Variants in TENM2 observed in about 807,000 individuals in gnomAD.
TENM2 encodes the protein teneurin transmembrane protein 2.
A neutral mutation model predicts 245.2 loss-of-function variants in TENM2; 52 were observed. The observed-to-expected ratio is 0.21, with a 90% confidence interval of 0.17 to 0.27. TENM2 has a LOEUF of 0.27. TENM2 is among the 10% of genes least tolerant of loss of function. TENM2 has a pLI of 1.00. For missense variants in TENM2, 3,046 were observed against 3,666.8 expected (o/e 0.83, Z 4.37); for synonymous variants, 1,363 against 1,438.9 (o/e 0.95, Z 1.19).
the TENM2 span, among the ~76,000 whole-genome samples, chr5:167,220,436 CTG>C: frequency 6.6e-5 from 10 of 152,142 alleles, no homozygotes; most frequent in Non-Finnish European, 8.8e-5. Context: ...TTATTTTAAA[CTG>C]TGTATTTTAT....
chr5:168,176,839 AC>A (rs1474522164), intron 13 of TENM2, among the ~76,000 whole-genome samples: 2 of 152,226 alleles, frequency 1.3e-5, no homozygotes, highest in East Asian at 3.8e-4. Context: ...ATTTCAAAAA[AC>A]ATGCATACAG....
the TENM2 span, among the ~76,000 whole-genome samples, chr5:167,258,233 A>T: frequency 1.4e-5 from 2 of 147,744 alleles, no homozygotes; most frequent in Admixed American, 1.4e-4. Context: ...ATATGTGTAT[A>T]TATATATATG....
chr5:167,858,973 C>T (rs1270443814), intron 2 of TENM2, among the ~76,000 whole-genome samples: 33 of 144,298 alleles, frequency 2.3e-4, no homozygotes, highest in African/African-American at 8.0e-4. Context: ...GGCCGCCCAT[C>T]GTCTGGGATG....
At chr5:167,680,643 A>T (rs750148000) in intron 2 of TENM2, among the ~76,000 whole-genome samples, 1 of 152,198 alleles carries the variant, frequency 6.6e-6, no homozygotes, top group African/African-American at 2.4e-5. Context: ...TGTAAACCAG[A>T]TGAGAGACGA....
chr5:168,199,935 G>T (rs1761783893), exon 17 of TENM2: 2 of 1,613,920 alleles, frequency 1.2e-6, no homozygotes, highest in Non-Finnish European at 1.7e-6. Flanking sequence ...GAACTGCAGG[G>T]TACAAGTCAC....
the TENM2 span, among the ~76,000 whole-genome samples, chr5:167,083,504 T>TG: frequency 2.2e-3 from 342 of 152,296 alleles, 1 homozygote; most frequent in African/African-American, 7.8e-3. Flanking sequence ...AGAACTTGGA[T>TG]GGGGCTGACA....
chr5:167,962,577 C>T (rs182946064), intron 4 of TENM2, among the ~76,000 whole-genome samples: 70 of 152,224 alleles, frequency 4.6e-4, no homozygotes, highest in Non-Finnish European at 8.5e-4. Flanking sequence ...AAGACATACC[C>T]GAGACCCAGT....
intron 2 of TENM2, among the ~76,000 whole-genome samples, chr5:167,515,003 TC>T (rs1203714412): frequency 6.6e-6 from 1 of 151,970 alleles, no homozygotes; most frequent in African/African-American, 2.4e-5. Context: ...AGAGCGAGAC[TC>T]CATCTCAAAA....
chr5:168,253,321 A>T (rs1199110370), intron 27 of TENM2, among the ~76,000 whole-genome samples: 2 of 152,064 alleles, frequency 1.3e-5, no homozygotes, highest in Non-Finnish European at 2.9e-5. Context: ...CAGTCACCTT[A>T]TGGGGTCTTG....
intron 1 of TENM2, among the ~76,000 whole-genome samples, chr5:167,354,433 A>C (rs985781840): frequency 2.6e-5 from 4 of 152,220 alleles, no homozygotes; most frequent in South Asian, 2.1e-4. Context: ...CTTATAAAAA[A>C]CAGTTTCATT....
At chr5:167,097,574 G>A in the TENM2 span, among the ~76,000 whole-genome samples, 1 of 152,132 alleles carries the variant, frequency 6.6e-6, no homozygotes, top group African/African-American at 2.4e-5. Flanking sequence ...GTATTTTGAT[G>A]CATTAATTAA....
At chr5:167,591,364 G>T (rs1312275830) in intron 2 of TENM2, among the ~76,000 whole-genome samples, 1 of 152,084 alleles carries the variant, frequency 6.6e-6, no homozygotes, top group Non-Finnish European at 1.5e-5. Context: ...AATATTATTT[G>T]GTTTGATGGT....
intron 2 of TENM2, among the ~76,000 whole-genome samples, chr5:167,429,842 G>A (rs185351140): frequency 1.7e-3 from 253 of 152,104 alleles, no homozygotes; most frequent in Non-Finnish European, 2.6e-3. Flanking sequence ...CCTGACCTCA[G>A]GTGATCCACC....
At chr5:168,083,303 G>C (rs956168985) in intron 7 of TENM2, among the ~76,000 whole-genome samples, 1 of 152,208 alleles carries the variant, frequency 6.6e-6, no homozygotes, top group Non-Finnish European at 1.5e-5. Context: ...CATTGGAAAA[G>C]CGCAGTATTA....
At chr5:167,672,788 C>G (rs1438761577) in intron 2 of TENM2, among the ~76,000 whole-genome samples, 1 of 151,782 alleles carries the variant, frequency 6.6e-6, no homozygotes, top group Non-Finnish European at 1.5e-5. Flanking sequence ...AAAAGATTGA[C>G]CCAAGGACAA....
chr5:167,447,166 G>T (rs188575985), intron 2 of TENM2, among the ~76,000 whole-genome samples: 1 of 152,252 alleles, frequency 6.6e-6, no homozygotes, highest in East Asian at 1.9e-4. Flanking sequence ...GTGCCTCTAG[G>T]TTAGCCTCAG....
intron 2 of TENM2, among the ~76,000 whole-genome samples, chr5:167,637,395 A>G (rs903136869): frequency 3.9e-5 from 6 of 152,222 alleles, no homozygotes; most frequent in African/African-American, 1.2e-4. Flanking sequence ...GGGTATAGGC[A>G]TGGATATATG....
intron 2 of TENM2, among the ~76,000 whole-genome samples, chr5:167,774,218 A>G (rs113556661): frequency 3.8e-4 from 44 of 115,472 alleles, no homozygotes; most frequent in African/African-American, 1.7e-3. Context: ...GGGAGGGAGG[A>G]AGGAAGGAAG....
intron 5 of TENM2, among the ~76,000 whole-genome samples, chr5:168,031,468 G>T (rs529484992): frequency 5.5e-4 from 84 of 152,224 alleles, no homozygotes; most frequent in African/African-American, 1.9e-3. Context: ...TCTTTGTCGG[G>T]TTCTTAACTG....
Sources: gnomAD v4.1 joint callset for allele counts (sites outside exome capture counted in the v4.1 genomes callset) on GRCh38, gnomAD v4.1.1 for gene constraint, MANE v1.5 for transcripts, NCBI Gene and HGNC (gene_info 2026-07-23, HGNC 2026-07-21) for gene names.